CCND3: variants seen among roughly 807,000 people sequenced by gnomAD.
The protein encoded by CCND3 is G1/S-specific cyclin-D3.
A neutral mutation model predicts 28.7 loss-of-function variants in CCND3; 9 were observed. That is an observed-to-expected ratio of 0.31 (90% CI 0.19 to 0.55). The LOEUF (loss-of-function observed/expected upper bound fraction) is 0.55. Ranked by LOEUF, CCND3 falls within the 20% of genes least tolerant of loss-of-function variation. The pLI is 0.93. For missense variants in CCND3, 315 were observed against 385.8 expected (o/e 0.82, Z 1.54); for synonymous variants, 164 against 163.9 (o/e 1.00, Z 0.00).
chr6:41,949,920 C>T (rs1374425557), intron 1 of CCND3, among the ~76,000 whole-genome samples: 1 of 150,004 alleles, frequency 6.7e-6, no homozygotes, highest in African/African-American at 2.5e-5. Context: ...CGATGAAACC[C>T]TGTCTTTACT....
In CCND3 at chr6:41,959,282, C is replaced by G. The variant is rs564549396; in HGVS notation, c.-45-18697G>C. On this transcript the variant is annotated intron_variant, in intron 1 of 4. Coordinates refer to the CCND3 transcript ENST00000372988. ...TGAGCCGAGATTGCCTCATTGCACTCCAACCTGGGCAACAAGAGCAAAACT... is the reference window on the plus strand; with the variant it reads ...TGAGCCGAGATTGCCTCATTGCACTGCAACCTGGGCAACAAGAGCAAAACT... Among the ~76,000 whole-genome samples, 265 of 151,882 alleles carry G rather than the reference C, an allele frequency of 1.7e-3. 1 individual carries two copies. The highest frequency in any genetic ancestry group is 3.1e-3 in the Non-Finnish European group (210 of 67,936).
At chr6:41,985,215 CA>C (rs1362743673) in intron 1 of CCND3, among the ~76,000 whole-genome samples, 1 of 150,648 alleles carries the variant, frequency 6.6e-6, no homozygotes, top group African/African-American at 2.4e-5. Flanking sequence ...GGGCCATATC[CA>C]AAAAAATCTT....
intron 1 of CCND3, among the ~76,000 whole-genome samples, chr6:41,959,182 C>T (rs1455955059): frequency 5.3e-5 from 8 of 152,032 alleles, no homozygotes; most frequent in Non-Finnish European, 1.2e-4. Flanking sequence ...GGAGTGATAG[C>T]GCATACCTGT....
At position 41,941,414 on chromosome 6, in the gene CCND3, C is replaced by T. The variant is rs1776011896; in HGVS notation, c.198+38G>A. The T allele has an allele frequency of 1.2e-6, 2 of 1,601,120 alleles. No homozygotes were observed. Among genetic ancestry groups the T allele is most frequent in the African/African-American group, 1.3e-5 (1 of 74,136 alleles). ...AGGGCGGCCCCGGTGTGTCCAGACCCGGGAGCGGTGGGGGAGGGGGACGCG... is the reference window on the plus strand; with the variant it reads ...AGGGCGGCCCCGGTGTGTCCAGACCTGGGAGCGGTGGGGGAGGGGGACGCG... On this transcript the variant is annotated intron_variant, in intron 1 of 4. Transcript: ENST00000372991. This position sits in a 1 kb window ranked among gnomAD's most constrained non-coding sequence, Gnocchi z 6.1.
At position 42,043,303 on chromosome 6, in the gene CCND3, C is replaced by T. The variant is rs151100024; in HGVS notation, c.-46+5198G>A. ...CTGTAATCCCAGCACTTCGGGAGGC[C>T]GAGGCGGATGGATCCTGAGGTCAGG... is the stretch of plus-strand genomic sequence containing the variant. On this transcript the variant is annotated intron_variant, in intron 1 of 4. Coordinates refer to the CCND3 transcript ENST00000372988. Among the ~76,000 whole-genome samples the T allele has an allele frequency of 7.1e-3, 1,085 of 152,294 alleles. 14 individuals are homozygous for T. The highest frequency in any genetic ancestry group is 0.024 in the African/African-American group (1,003 of 41,562).
chr6:42,017,900 C>T (rs984977641), intron 1 of CCND3, among the ~76,000 whole-genome samples: 7 of 152,194 alleles, frequency 4.6e-5, no homozygotes, highest in African/African-American at 1.4e-4. Flanking sequence ...CCTGTAATCC[C>T]GGCACTTTGG....
intron 1 of CCND3, among the ~76,000 whole-genome samples, chr6:42,038,893 C>G (rs551467093): frequency 3.0e-4 from 45 of 152,258 alleles, no homozygotes; most frequent in Middle Eastern, 3.4e-3. Flanking sequence ...CAAAAGCAAC[C>G]ACTCCTTCCT....
chr6:42,042,382 C>T (rs111534074), intron 1 of CCND3, among the ~76,000 whole-genome samples: 1 of 144,998 alleles, frequency 6.9e-6, no homozygotes, highest in Non-Finnish European at 1.5e-5. Flanking sequence ...TTTTTTGAGA[C>T]GGAGTTCCGT....
intron 1 of CCND3, among the ~76,000 whole-genome samples, chr6:42,030,620 C>T (rs913934231): frequency 2.0e-5 from 3 of 152,198 alleles, no homozygotes; most frequent in African/African-American, 7.2e-5. Flanking sequence ...CCAGGTCCTG[C>T]CTCGCCTTCC....
At chr6:42,004,082 G>A (rs1472821812) in intron 1 of CCND3, among the ~76,000 whole-genome samples, 1 of 150,140 alleles carries the variant, frequency 6.7e-6, no homozygotes, top group Non-Finnish European at 1.5e-5. Context: ...GTGTGTGTGT[G>A]TGTGTGTATG....
At position 41,941,134 on chromosome 6, in the gene CCND3, G is replaced by A. The variant is rs991983837; in HGVS notation, c.198+318C>T. 2.0e-6 allele frequency: 3 copies of A among 1,487,420 alleles called. No individual in the cohort carries two copies. Among genetic ancestry groups the A allele is most frequent in the South Asian group, 2.7e-5 (2 of 73,056 alleles). 92.1% of individuals were successfully genotyped at this position (1,487,420 alleles called of 1,614,324 possible). ...TTTCCAGGCGCGCTCTCCGGAGAAG[G>A]CCGGGAGGCGGAGGGAAGCGGGAGA... On this transcript the variant is annotated intron_variant, in intron 1 of 4. Transcript: ENST00000372991. This position sits in a 1 kb window ranked among gnomAD's most constrained non-coding sequence, Gnocchi z 6.1.
At chr6:42,033,554 T>A (rs866770809) in intron 1 of CCND3, among the ~76,000 whole-genome samples, 20 of 150,856 alleles carry the variant, frequency 1.3e-4, no homozygotes, top group South Asian at 2.1e-4. Flanking sequence ...TGAGTTAAAA[T>A]TAAAACATTT....
At chr6:42,035,806 T>C (rs982992911) in intron 1 of CCND3, among the ~76,000 whole-genome samples, 2 of 150,914 alleles carry the variant, frequency 1.3e-5, no homozygotes, top group African/African-American at 4.9e-5. Flanking sequence ...GCCTCCCAAG[T>C]AGCTGGGATT....
chr6:42,047,139 G>C (rs1435588570), intron 1 of CCND3, among the ~76,000 whole-genome samples: 2 of 152,160 alleles, frequency 1.3e-5, no homozygotes, highest in African/African-American at 4.8e-5. Flanking sequence ...TGAGGGAAGG[G>C]GAAGCCGGAA....
At chr6:41,990,690 T>TGATGGAG (rs1762620484) in intron 1 of CCND3, among the ~76,000 whole-genome samples, 3 of 48,882 alleles carry the variant, frequency 6.1e-5, no homozygotes, top group South Asian at 7.4e-4. Flanking sequence ...TTTTTTTTTT[T>TGATGGAG]TGTGATGGAG....
At chr6:41,988,737 C>T (rs7761641) in intron 1 of CCND3, among the ~76,000 whole-genome samples, 91,965 of 142,152 alleles carry the variant, frequency 0.65, 29,849 homozygotes, top group Admixed American at 0.7. Flanking sequence ...CTGGCTCTGT[C>T]GCCCAGGCTG....
rs147099303 is a variant in CCND3, at chr6:41,937,291, T to G, written c.518A>C (p.Asp173Ala). The change falls in exon 3 of 5, where the codon GAC (aspartate) becomes GCC (alanine). Residue 173 changes from aspartate (D) to alanine (A), a missense_variant. Physicochemically the swap from Asp to Ala is moderately radical, Grantham distance 126. Coordinates refer to ENST00000372991, the MANE Select transcript of CCND3 (RefSeq NM_001760.5). ...ATGCTTTTTGACCAAGGCCTGTCGG[T>G]CACGGGGCAGAGAGAGCCGGTGCAG... ...FILHRLSLPR[D>A]RQALVKKHAQ... 1.9e-5 allele frequency: 30 copies of G among 1,613,986 alleles called. No individual in the cohort carries two copies. In the Middle Eastern group the frequency reaches 1.2e-3, roughly 62 times the overall value.
chr6:42,000,220 A>T (rs1256691032), intron 1 of CCND3, among the ~76,000 whole-genome samples: 1 of 139,490 alleles, frequency 7.2e-6, no homozygotes, highest in Non-Finnish European at 1.6e-5. Context: ...GTCTCGTGGA[A>T]ATTTGAAAAC....
intron 1 of CCND3, among the ~76,000 whole-genome samples, chr6:41,976,921 T>C (rs1009427874): frequency 1.3e-5 from 2 of 152,110 alleles, no homozygotes; most frequent in African/African-American, 2.4e-5. Flanking sequence ...TTCAGGGTCA[T>C]AGGGCAGCAG....
Sources: gnomAD v4.1 joint callset for allele counts (sites outside exome capture counted in the v4.1 genomes callset) on GRCh38, gnomAD v4.1.1 for gene constraint, Gnocchi (gnomAD v3.1) non-coding constraint, MANE v1.5 for transcripts, NCBI Gene and HGNC (gene_info 2026-07-23, HGNC 2026-07-21) for gene names.